The following PRR5L variants were observed in gnomAD, a reference collection of about 807,000 sequenced individuals.
PRR5L encodes proline-rich protein 5-like.
A neutral mutation model predicts 36.4 loss-of-function variants in PRR5L; 21 were observed. That is an observed-to-expected ratio of 0.58 (90% CI 0.41 to 0.83). The LOEUF is 0.83. Ranked by LOEUF, PRR5L falls within the 40% of genes least tolerant of loss-of-function variation. The pLI is 0.00. For missense variants in PRR5L, 381 were observed against 473.3 expected (o/e 0.80, Z 1.81); for synonymous variants, 188 against 197.0 (o/e 0.95, Z 0.38).
At chr11:36,388,855 A>C (rs1038173834) in intron 1 of PRR5L, among the ~76,000 whole-genome samples, 12 of 151,790 alleles carry the variant, frequency 7.9e-5, no homozygotes, top group Admixed American at 1.3e-4. Flanking sequence ...CCCGCCACCA[A>C]GCCCGGCTGA....
chr11:36,441,686 CA>C (rs1356487797), intron 6 of PRR5L, among the ~76,000 whole-genome samples: 1 of 152,196 alleles, frequency 6.6e-6, no homozygotes, highest in Non-Finnish European at 1.5e-5. Context: ...ATCCCCTTGG[CA>C]CTGCCCTGGT....
intron 1 of PRR5L, among the ~76,000 whole-genome samples, chr11:36,343,847 A>G (rs888563068): frequency 3.3e-5 from 5 of 152,140 alleles, no homozygotes; most frequent in Non-Finnish European, 5.9e-5. Flanking sequence ...ATATAGATCT[A>G]GGGCATTTGG....
At chr11:36,334,084 A>T (rs1031274488) in intron 1 of PRR5L, among the ~76,000 whole-genome samples, 3 of 152,164 alleles carry the variant, frequency 2.0e-5, no homozygotes, top group Non-Finnish European at 2.9e-5. Context: ...CGAAGAGCAC[A>T]TGGGAGTCTC....
chr11:36,383,323 A>G (rs550465049), intron 1 of PRR5L, among the ~76,000 whole-genome samples: 1 of 152,206 alleles, frequency 6.6e-6, no homozygotes, highest in South Asian at 2.1e-4. Context: ...AACCTTCACA[A>G]TATCTCTTTT....
intron 8 of PRR5L, among the ~76,000 whole-genome samples, chr11:36,456,260 G>A (rs1762004341): frequency 6.6e-6 from 1 of 152,226 alleles, no homozygotes; most frequent in Non-Finnish European, 1.5e-5. Flanking sequence ...ACTCCCCGGG[G>A]AGGTTGTGTG....
intron 3 of PRR5L, among the ~76,000 whole-genome samples, chr11:36,414,648 C>G (rs1858102523): frequency 7.0e-6 from 1 of 142,564 alleles, no homozygotes; most frequent in South Asian, 2.4e-4. Context: ...AAAATTTTCT[C>G]CCATTTTGTA....
At chr11:36,313,494 C>T (rs1246491990) in intron 1 of PRR5L, among the ~76,000 whole-genome samples, 1 of 152,176 alleles carries the variant, frequency 6.6e-6, no homozygotes, top group Non-Finnish European at 1.5e-5. Context: ...ACTGGAGACA[C>T]TTTGCTTTGT....
chr11:36,462,623 C>A lies in PRR5L; in HGVS notation c.994C>A (p.Pro332Thr), dbSNP rs1461404296. 1 of 1,612,470 alleles carries A rather than the reference C, an allele frequency of 6.2e-7. No individual in the cohort carries two copies. The highest frequency in any genetic ancestry group is 2.2e-5 in the East Asian group (1 of 44,872). The change falls in exon 9 of 9, where the codon CCC becomes ACC. Residue 332 changes from proline (P) to threonine (T), a missense_variant. Physicochemically the swap from Pro to Thr is conservative, Grantham distance 38 (BLOSUM62 -1). Transcript: ENST00000530639. ...CLLLPPSFPP[P>T]HRQCSSEPNI... Reference sequence around the variant, plus strand: ...GCTCCTGCCACCCAGCTTCCCCCCGCCCCACCGGCAGTGCTCCAGTGAGCC... The same window carrying A: ...GCTCCTGCCACCCAGCTTCCCCCCGACCCACCGGCAGTGCTCCAGTGAGCC...
chr11:36,373,808 C>CT (rs1033949605), intron 1 of PRR5L, among the ~76,000 whole-genome samples: 1 of 151,802 alleles, frequency 6.6e-6, no homozygotes, highest in Non-Finnish European at 1.5e-5. Context: ...CATGATTAAC[C>CT]TTTTTTTTCT....
chr11:36,397,878 C>T (rs1267858965), intron 1 of PRR5L, among the ~76,000 whole-genome samples: 2 of 152,098 alleles, frequency 1.3e-5, no homozygotes, highest in Non-Finnish European at 2.9e-5. Flanking sequence ...TCACCGCAAC[C>T]TCTGCCTCTC....
At chr11:36,416,129 C>T (rs1858137281) in intron 3 of PRR5L, among the ~76,000 whole-genome samples, 1 of 152,102 alleles carries the variant, frequency 6.6e-6, no homozygotes, top group South Asian at 2.1e-4. Flanking sequence ...TTTATTAGCA[C>T]TTTATTGGTG....
intron 1 of PRR5L, among the ~76,000 whole-genome samples, chr11:36,310,933 G>A (rs1489095392): frequency 2.1e-5 from 3 of 140,240 alleles, no homozygotes; most frequent in Non-Finnish European, 4.5e-5. Context: ...GGAGTCAGAG[G>A]TTGCAGTGAG....
At chr11:36,308,325 TTCTC>T (rs1184706701) in intron 1 of PRR5L, among the ~76,000 whole-genome samples, 18 of 152,348 alleles carry the variant, frequency 1.2e-4, no homozygotes, top group African/African-American at 4.1e-4. Flanking sequence ...CATCTGCTCT[TTCTC>T]TCTATCTTCA....
intron 1 of PRR5L, among the ~76,000 whole-genome samples, chr11:36,380,933 C>T (rs1407567597): frequency 6.6e-6 from 1 of 152,194 alleles, no homozygotes; most frequent in East Asian, 1.9e-4. Context: ...CAGTAGAAAT[C>T]CATCTGACCG....
chr11:36,414,829 G>A (rs961322009), intron 3 of PRR5L, among the ~76,000 whole-genome samples: 10 of 146,224 alleles, frequency 6.8e-5, no homozygotes, highest in African/African-American at 2.3e-4. Flanking sequence ...TTCTTCTAGG[G>A]TTTTTATGGT....
intron 4 of PRR5L, 139 bp downstream of exon 4, chr11:36,419,442 C>T (rs1459988771): frequency 1.7e-5 from 13 of 764,414 alleles, no homozygotes; most frequent in East Asian, 5.0e-5. Flanking sequence ...GTGTGCTGCA[C>T]GTTGCAGAGG....
chr11:36,394,196 T>C (rs1402464343), intron 1 of PRR5L, among the ~76,000 whole-genome samples: 3 of 152,192 alleles, frequency 2.0e-5, no homozygotes, highest in Admixed American at 2.0e-4. Context: ...TCATCCAATA[T>C]CTTGCAAATC....
At chr11:36,373,808 CT>C (rs1033949605) in intron 1 of PRR5L, among the ~76,000 whole-genome samples, 3 of 151,802 alleles carry the variant, frequency 2.0e-5, no homozygotes, top group Admixed American at 1.3e-4. Context: ...CATGATTAAC[CT>C]TTTTTTTCTT....
rs1856954444 is a variant in PRR5L at position 36,351,497 on chromosome 11, ATATTTTTATAT to A, written c.-125-49499_-125-49489del. Among the ~76,000 whole-genome samples, 2 of 21,162 alleles carry A rather than the reference ATATTTTTATAT, an allele frequency of 9.5e-5. 1 individual carries two copies. Among genetic ancestry groups the A allele is most frequent in the Non-Finnish European group, 1.4e-4 (2 of 14,104 alleles). 13.9% of individuals were successfully genotyped at this position (21,162 alleles called of 152,430 possible). ...TACATATATATTTATATATTTATATATATTTTTATATATTTATATATATTTATATATTTATA... is the reference window on the plus strand; with the variant it reads ...TACATATATATTTATATATTTATATAATTTATATATATTTATATATTTATA... On this transcript the variant is annotated intron_variant, in intron 1 of 8. Transcript: ENST00000530639.
Sources: allele counts gnomAD v4.1 joint callset (sites outside exome capture counted in the v4.1 genomes callset), GRCh38; gene constraint gnomAD v4.1.1; transcripts MANE v1.5; gene names NCBI Gene and HGNC (gene_info 2026-07-23, HGNC 2026-07-21).